GDA: variants seen among roughly 807,000 people sequenced by gnomAD.
GDA encodes the protein cytoplasmic PSD-95 interactor.
GDA carries 18 observed loss-of-function variants against 59.6 expected under a neutral mutation model. The ratio of observed to expected loss-of-function variants is 0.30; its 90% CI spans 0.21 to 0.45. The LOEUF is 0.45. Among genes scored for constraint, GDA ranks in the 20% least tolerant of loss-of-function variants. The probability of loss-of-function intolerance (pLI) is 1.00; values close to 1 mark genes in which losing one functional copy is unlikely to be tolerated. For synonymous variants in GDA, 201 were observed against 201.1 expected, an observed-to-expected ratio of 1.00 and a Z score of 0.00; for missense variants, 427 against 552.3, an observed-to-expected ratio of 0.77 and a Z score of 2.27.
intron 10 of GDA, 33 bp downstream of exon 10, chr9:72,231,214 G>C: frequency 9.2e-7 from 1 of 1,083,800 alleles, no homozygotes; most frequent in South Asian, 1.2e-5. Flanking sequence ...CTATGGCAAA[G>C]TGGTTGATTA....
At chr9:72,115,991 T>C (rs936580544) in intron 1 of GDA, among the ~76,000 whole-genome samples, 1 of 152,166 alleles carries the variant, frequency 6.6e-6, no homozygotes, top group Non-Finnish European at 1.5e-5. Flanking sequence ...CCCAGCACTT[T>C]GGGAGGCCGA....
intron 2 of GDA, among the ~76,000 whole-genome samples, chr9:72,200,186 T>C (rs143231695): frequency 0.026 from 3,942 of 151,804 alleles, 163 homozygotes; most frequent in African/African-American, 0.088. Context: ...TTAGTAGAGA[T>C]GGGGTTTCAC....
chr9:72,161,479 G>T (rs1480147974), intron 1 of GDA, among the ~76,000 whole-genome samples: 2 of 145,556 alleles, frequency 1.4e-5, no homozygotes, highest in Non-Finnish European at 3.0e-5. Flanking sequence ...TGGTTACTGG[G>T]AGCTGTAATT....
At chr9:72,240,747 A>C (rs1466428211) in intron 10 of GDA, among the ~76,000 whole-genome samples, 2 of 152,180 alleles carry the variant, frequency 1.3e-5, no homozygotes, top group Non-Finnish European at 2.9e-5. Context: ...TGCTGCCACA[A>C]GCCAAAGAAT....
intron 1 of GDA, among the ~76,000 whole-genome samples, chr9:72,177,002 G>A (rs904473585): frequency 2.6e-5 from 4 of 151,904 alleles, no homozygotes; most frequent in Non-Finnish European, 4.4e-5. Flanking sequence ...GCGTAATAGT[G>A]GAGGACTGAA....
chr9:72,142,664 C>T (rs769217980), intron 1 of GDA, among the ~76,000 whole-genome samples: 1 of 152,050 alleles, frequency 6.6e-6, no homozygotes, highest in Non-Finnish European at 1.5e-5. Context: ...ATGACTTTGC[C>T]AAGATATCAT....
At chr9:72,230,354 G>A (rs959328224) in intron 9 of GDA, among the ~76,000 whole-genome samples, 4 of 152,002 alleles carry the variant, frequency 2.6e-5, no homozygotes, top group African/African-American at 9.7e-5. Flanking sequence ...GGACATGCTG[G>A]CGGGCACCTG....
At chr9:72,238,383 T>G (rs919854902) in intron 10 of GDA, among the ~76,000 whole-genome samples, 1 of 152,214 alleles carries the variant, frequency 6.6e-6, no homozygotes, top group Non-Finnish European at 1.5e-5. Flanking sequence ...TTCATCTCCA[T>G]TTTCTTTATC....
intron 10 of GDA, among the ~76,000 whole-genome samples, chr9:72,237,312 G>T (rs1224621601): frequency 2.6e-5 from 4 of 152,118 alleles, no homozygotes; most frequent in Admixed American, 2.6e-4. Context: ...CAACTCCAAA[G>T]GATGCCATTC....
intron 1 of GDA, among the ~76,000 whole-genome samples, chr9:72,182,183 A>G (rs1831310780): frequency 6.6e-6 from 1 of 152,194 alleles, no homozygotes; most frequent in Non-Finnish European, 1.5e-5. Context: ...TAATTCTACC[A>G]CATGATCTGT....
chr9:72,165,854 T>C (rs1469368659), intron 1 of GDA, among the ~76,000 whole-genome samples: 1 of 149,710 alleles, frequency 6.7e-6, no homozygotes, highest in African/African-American at 2.5e-5. Flanking sequence ...GCTGAGATCA[T>C]GCCATTGCAC....
At chr9:72,160,416 A>G (rs1348811734) in intron 1 of GDA, among the ~76,000 whole-genome samples, 1 of 152,196 alleles carries the variant, frequency 6.6e-6, no homozygotes, top group African/African-American at 2.4e-5. Context: ...CTCTGCAACA[A>G]TCACTAATCT....
chr9:72,250,918 T>G lies in GDA; in HGVS notation c.*2576T>G, dbSNP rs188982128. 15 of 1,196,334 alleles carry G rather than the reference T, an allele frequency of 1.3e-5. No homozygotes were observed. The highest frequency in any genetic ancestry group is 7.8e-5 in the Admixed American group (4 of 50,990). The allele number at this position is 1,196,334 out of a possible 1,614,324, so 74.1% of individuals were successfully genotyped here. A position where few individuals can be genotyped will look rare whatever the true frequency, so the allele number is the denominator to read the frequency against. On this transcript the variant is annotated 3_prime_UTR_variant, in exon 14 of 14. Transcript: ENST00000358399. Reference sequence around the variant, plus strand: ...CAACCAGAACACAAAAGCAGGCTAGTCAGCTAAGGTAAATTTCATTTTCAA... The same window carrying G: ...CAACCAGAACACAAAAGCAGGCTAGGCAGCTAAGGTAAATTTCATTTTCAA...
In GDA at chr9:72,226,246, C is replaced by T. The variant is rs1000909371; in HGVS notation, c.822+462C>T. Among the ~76,000 whole-genome samples, 14 of 152,082 alleles carry T rather than the reference C, an allele frequency of 9.2e-5. No homozygotes were observed. The South Asian group carries it at 2.1e-3, about 23-fold the overall frequency. Reference sequence around the variant, plus strand: ...TATATTAAAGTTTAAAAATTGTTATCGGTGAGGGATTAAATTACAGAGCAT... The same window carrying T: ...TATATTAAAGTTTAAAAATTGTTATTGGTGAGGGATTAAATTACAGAGCAT... On this transcript the variant is annotated intron_variant, in intron 8 of 13. Coordinates refer to ENST00000358399, the MANE Select transcript of GDA (RefSeq NM_004293.5).
intron 1 of GDA, among the ~76,000 whole-genome samples, chr9:72,188,878 G>C (rs1353895609): frequency 1.3e-5 from 2 of 152,216 alleles, no homozygotes; most frequent in East Asian, 3.8e-4. Context: ...GGCTGCCGAA[G>C]ACCTGTGTGC....
intron 1 of GDA, among the ~76,000 whole-genome samples, chr9:72,136,687 C>A (rs969571545): frequency 1.3e-5 from 2 of 152,068 alleles, no homozygotes; most frequent in African/African-American, 4.8e-5. Context: ...TTAAAATATA[C>A]ATATGAGGCT....
downstream of GDA, among the ~76,000 whole-genome samples, chr9:72,259,127 C>T (rs373927338): frequency 2.0e-5 from 3 of 151,186 alleles, no homozygotes; most frequent in East Asian, 2.0e-4. Context: ...CAGGTTTAAG[C>T]GATTCTTCTG....
chr9:72,184,033 G>A (rs1188379141), intron 1 of GDA, among the ~76,000 whole-genome samples: 1 of 152,012 alleles, frequency 6.6e-6, no homozygotes, highest in African/African-American at 2.4e-5. Context: ...TTGAATCTTT[G>A]CACTTATCTT....
intron 1 of GDA, among the ~76,000 whole-genome samples, chr9:72,184,362 C>T (rs1378029799): frequency 6.6e-6 from 1 of 152,134 alleles, no homozygotes; most frequent in African/African-American, 2.4e-5. Context: ...TCTGCCTATT[C>T]ATCCTTCCCC....
Sources: allele counts gnomAD v4.1 joint callset (sites outside exome capture counted in the v4.1 genomes callset), GRCh38; gene constraint gnomAD v4.1.1; transcripts MANE v1.5; gene names NCBI Gene and HGNC (gene_info 2026-07-23, HGNC 2026-07-21).